Variants in FOXP2 observed in about 807,000 individuals in gnomAD.
The protein encoded by FOXP2 is forkhead box protein P2.
FOXP2 carries 12 observed loss-of-function variants against 115.8 expected under a neutral mutation model. The observed-to-expected ratio is 0.10, with a 90% CI of 0.07 to 0.17. FOXP2 has a LOEUF of 0.17. FOXP2 is among the 10% of genes least tolerant of loss of function. The pLI, the probability that FOXP2 is intolerant of heterozygous loss-of-function variation, is 1.00. For synonymous variants in FOXP2, 328 were observed against 297.7 expected, an observed-to-expected ratio of 1.10 and a Z score of -1.05; for missense variants, 629 against 843.5, an observed-to-expected ratio of 0.75 and a Z score of 3.15.
chr7:114,378,360 G>C (rs1792193454), intron 2 of FOXP2, among the ~76,000 whole-genome samples: 1 of 151,952 alleles, frequency 6.6e-6, no homozygotes, highest in Admixed American at 6.6e-5. Context: ...AATTCTTTCG[G>C]AATTGGACTT....
At chr7:114,468,197 G>A (rs942610746) in intron 2 of FOXP2, among the ~76,000 whole-genome samples, 6 of 152,046 alleles carry the variant, frequency 3.9e-5, no homozygotes, top group Admixed American at 3.9e-4. Flanking sequence ...CTAAAGTAGT[G>A]TTTCTCCTCT....
rs199924509 is a variant in FOXP2 at position 114,291,885 on chromosome 7, A to AAT, written c.-11+3783_-11+3784dup. On this transcript the variant is annotated intron_variant, in intron 2 of 17. Coordinates refer to the FOXP2 transcript ENST00000634411. ...TATATAATATATAGATAATATATAG[A>AAT]ATATATATTATAGATAATATATAGA... Among the ~76,000 whole-genome samples, 340 of 128,502 alleles carry AAT rather than the reference A, an allele frequency of 2.6e-3. 31 individuals are homozygous for AAT. The highest frequency in any genetic ancestry group is 0.011 in the African/African-American group (295 of 27,224). The allele number at this position is 128,502 out of a possible 152,430, so 84.3% of individuals were successfully genotyped here. A position where few individuals can be genotyped will look rare whatever the true frequency, so the allele number is the denominator to read the frequency against.
chr7:114,208,421 G>A (rs1794255012), intron 1 of FOXP2, among the ~76,000 whole-genome samples: 1 of 152,114 alleles, frequency 6.6e-6, no homozygotes, highest in Non-Finnish European at 1.5e-5. Flanking sequence ...TATTTTACAG[G>A]CTTATAGGGG....
rs983856843 is a variant in FOXP2, at chr7:114,415,371, T to G, written c.-11+11T>G. 10 of 443,884 alleles carry G rather than the reference T, an allele frequency of 2.3e-5. No homozygotes were observed. The highest frequency in any genetic ancestry group is 4.1e-5 in the African/African-American group (2 of 49,238). The allele number at this position is 443,884 out of a possible 1,614,324, so 27.5% of individuals were successfully genotyped here. On this transcript the variant is annotated intron_variant, in intron 1 of 16. Coordinates refer to ENST00000350908, the MANE Select transcript of FOXP2 (RefSeq NM_014491.4). ...ACATTTCCAGAGAAGGTACGTTACT[T>G]TTTGCTAAGAGAATATCTGTAAGAG...
rs567015089 is a variant in FOXP2, at chr7:114,514,824, A to C, written c.169-19793A>C. On this transcript the variant is annotated intron_variant, in intron 2 of 16. Coordinates refer to ENST00000350908, the MANE Select transcript of FOXP2 (RefSeq NM_014491.4). Reference sequence around the variant, plus strand: ...GCTGGTGTGCTGCACCCATTAACTCATCATTTAGCATTAGGTATATCTCCT... The same window carrying C: ...GCTGGTGTGCTGCACCCATTAACTCCTCATTTAGCATTAGGTATATCTCCT... Among the ~76,000 whole-genome samples the C allele has an allele frequency of 5.9e-5, 9 of 151,746 alleles. No homozygotes were observed. The South Asian group carries it at 1.7e-3, about 28-fold the overall frequency.
At chr7:114,120,676 G>T (rs1791536648) in intron 1 of FOXP2, among the ~76,000 whole-genome samples, 1 of 144,578 alleles carries the variant, frequency 6.9e-6, no homozygotes, top group South Asian at 2.2e-4. Context: ...ATGTATGTGT[G>T]TGTGTGTGTG....
chr7:114,677,179 A>AC (rs1204832236), intron 16 of FOXP2, among the ~76,000 whole-genome samples: 8 of 139,578 alleles, frequency 5.7e-5, no homozygotes, highest in African/African-American at 1.5e-4. Flanking sequence ...AAACAAAAAA[A>AC]AAAAAAACAA....
chr7:114,487,545 G>A (rs1276846939), intron 2 of FOXP2, among the ~76,000 whole-genome samples: 1 of 152,124 alleles, frequency 6.6e-6, no homozygotes, highest in Non-Finnish European at 1.5e-5. Context: ...CCCAGAAAAT[G>A]GGTTTTTCTT....
chr7:114,607,217 TA>T (rs1055514052), intron 3 of FOXP2, among the ~76,000 whole-genome samples: 1 of 152,172 alleles, frequency 6.6e-6, no homozygotes, highest in African/African-American at 2.4e-5. Context: ...GAGACTTTAG[TA>T]AATGTAATCC....
At chr7:114,526,416 G>A (rs1798868464) in intron 2 of FOXP2, among the ~76,000 whole-genome samples, 1 of 150,600 alleles carries the variant, frequency 6.6e-6, no homozygotes, top group Non-Finnish European at 1.5e-5. Context: ...GGCAGAGGTT[G>A]CAGTGGGCTG....
chr7:114,559,137 A>G (rs1800618065), intron 3 of FOXP2, among the ~76,000 whole-genome samples: 3 of 152,208 alleles, frequency 2.0e-5, no homozygotes, highest in Non-Finnish European at 4.4e-5. Context: ...CTCATGTCAG[A>G]AGCACCTGTT....
intron 3 of FOXP2, among the ~76,000 whole-genome samples, chr7:114,546,162 A>G (rs1039590789): frequency 2.6e-5 from 4 of 152,154 alleles, no homozygotes; most frequent in African/African-American, 9.7e-5. Flanking sequence ...TTACTGGGGC[A>G]TCTCAACCTA....
intron 2 of FOXP2, among the ~76,000 whole-genome samples, chr7:114,454,399 G>A (rs1376604310): frequency 1.3e-5 from 2 of 151,908 alleles, no homozygotes; most frequent in African/African-American, 2.4e-5. Flanking sequence ...GGAGAAATAG[G>A]AACACTTTTA....
At chr7:114,254,844 G>C (rs900341350) in intron 1 of FOXP2, among the ~76,000 whole-genome samples, 1 of 152,194 alleles carries the variant, frequency 6.6e-6, no homozygotes, top group Non-Finnish European at 1.5e-5. Flanking sequence ...GAGGAGCTGC[G>C]TTCCTTTGGA....
chr7:114,370,686 G>C (rs1791983315), intron 2 of FOXP2, among the ~76,000 whole-genome samples: 1 of 152,098 alleles, frequency 6.6e-6, no homozygotes, highest in South Asian at 2.1e-4. Context: ...GATTGAGTTT[G>C]GATTTGTGTT....
chr7:114,570,495 T>C (rs756522003), intron 3 of FOXP2, among the ~76,000 whole-genome samples: 3 of 151,688 alleles, frequency 2.0e-5, no homozygotes, highest in Non-Finnish European at 2.9e-5. Flanking sequence ...TATATAGGAG[T>C]ATTTATGATT....
At position 114,381,017 on chromosome 7, in the gene FOXP2, A is replaced by G. The variant is rs12666776; in HGVS notation, c.-10-45485A>G. 1.3e-3 allele frequency among the ~76,000 whole-genome samples: 193 copies of G among 152,338 alleles called. 3 individuals are homozygous for G. The East Asian group carries it at 0.034, about 27-fold the overall frequency. ...TTAGGGCCTTCTTTAGGGCCTGGAA[A>G]GCCACTTCTGCTTCAGGTGTCCATC... On this transcript the variant is annotated intron_variant, in intron 2 of 17. Transcript: ENST00000634411.
In FOXP2 at chr7:114,224,588, C is replaced by G. The variant is rs201775158; in HGVS notation, c.-102+61500C>G. Among the ~76,000 whole-genome samples the G allele has an allele frequency of 7.2e-5, 11 of 152,268 alleles. No individual in the cohort carries two copies. In the East Asian group the frequency reaches 2.1e-3, roughly 29 times the overall value. ...TATATTGCTTTTTATTCCAAGTCTT[C>G]TACCCATTTTTATTCCTTGTTTCTC... On this transcript the variant is annotated intron_variant, in intron 1 of 17. Coordinates refer to the FOXP2 transcript ENST00000634411.
intron 13 of FOXP2, 151 bp downstream of exon 13, chr7:114,659,824 T>C (rs1348730930): frequency 1.4e-6 from 1 of 701,462 alleles, no homozygotes; most frequent in African/African-American, 1.8e-5. Flanking sequence ...TCTCTCAAAA[T>C]GACAAGTGAA....
Sources: allele counts gnomAD v4.1 joint callset (sites outside exome capture counted in the v4.1 genomes callset), GRCh38; gene constraint gnomAD v4.1.1; transcripts MANE v1.5; gene names NCBI Gene and HGNC (gene_info 2026-07-23, HGNC 2026-07-21).